The following CTSF variants were observed in gnomAD, a reference collection of about 807,000 sequenced individuals.
CTSF encodes cathepsin F.
CTSF carries 65 observed loss-of-function variants against 63.5 expected under a neutral mutation model. The ratio of observed to expected loss-of-function variants is 1.02; its 90% CI spans 0.84 to 1.26. CTSF has a LOEUF of 1.26. Ranked by LOEUF, CTSF falls within the 50% of genes most tolerant of loss-of-function variation. The pLI is 0.00. For synonymous variants in CTSF, 256 were observed against 258.1 expected, an observed-to-expected ratio of 0.99 and a Z score of 0.08; for missense variants, 641 against 631.0, an observed-to-expected ratio of 1.02 and a Z score of -0.17.
Position 66,563,757 on chromosome 11 carries a change from G to T in CTSF, c.*176C>A. On this transcript the variant is annotated 3_prime_UTR_variant, in exon 13 of 13. Coordinates refer to ENST00000310325, the MANE Select transcript of CTSF (RefSeq NM_003793.4). Reference sequence around the variant, plus strand: ...GTGCAGGTGCAGAACTTCAGGGTGGGAATGGGGTGCAGGGAAGCAGGGGCT... The same window carrying T: ...GTGCAGGTGCAGAACTTCAGGGTGGTAATGGGGTGCAGGGAAGCAGGGGCT... 1 of 713,182 alleles carries T rather than the reference G, an allele frequency of 1.4e-6. No individual in the cohort carries two copies. Among genetic ancestry groups the T allele is most frequent in the East Asian group, 2.7e-5 (1 of 36,872 alleles). The allele number at this position is 713,182 out of a possible 1,614,324, so 44.2% of individuals were successfully genotyped here.
intron 8 of CTSF, 65 bp downstream of exon 8, chr11:66,565,606 T>A (rs1310195843): frequency 1.9e-6 from 3 of 1,597,770 alleles, no homozygotes; most frequent in Non-Finnish European, 2.6e-6. Context: ...CCCCCCATTA[T>A]GAAGTAACTT....
rs746899739 is a variant in CTSF, at chr11:66,566,111, T to C, written c.778A>G (p.Lys260Glu). 6.2e-7 allele frequency: 1 copy of C among 1,614,150 alleles called. No individual in the cohort carries two copies. The highest frequency in any genetic ancestry group is 2.2e-5 in the East Asian group (1 of 44,878). ...CCCACAGACTTGGCTTGCTTCATCT[T>C]GTTGCCAGGCTCTTTCCTCAGGAGA... ...NTLLRKEPGN[K>E]MKQAKSVGDL... Residue 260 changes from lysine to glutamate, a missense_variant, in exon 6 of 13, where the codon AAG becomes GAG. Transcript: ENST00000310325.
In CTSF at chr11:66,567,256, C is replaced by T. The variant is rs200932066; in HGVS notation, c.597G>A (p.Glu199=). The T allele has an allele frequency of 2.1e-4, 334 of 1,614,200 alleles. No individual in the cohort carries two copies. Among genetic ancestry groups the T allele is most frequent in the Middle Eastern group, 1.2e-3 (7 of 6,062 alleles). The change falls in exon 4 of 13, where the codon GAG becomes GAA. Residue 199 remains glutamate, a synonymous_variant. Transcript: ENST00000310325. ...NFVITYNRTY[E]SKEEARWRLS... is the part of the protein sequence containing the mutation. ...AGGCTGGGTCCTCACCTTCCTTTGA[C>T]TCATATGTCCGGTTATAGGTAATGA...
chr11:66,566,033 C>G lies in CTSF; in HGVS notation c.856G>C (p.Val286Leu), dbSNP rs771943482. 54 of 1,614,044 alleles carry G rather than the reference C, an allele frequency of 3.3e-5. No homozygotes were observed. Among genetic ancestry groups the G allele is most frequent in the Non-Finnish European group, 4.5e-5 (53 of 1,180,024 alleles). Reference protein sequence around the residue: ...DWRSKGAVTKVKDQGMCGSCW... With the variant: ...DWRSKGAVTKLKDQGMCGSCW... ...TCCAGGGGTCCAACCTGGTCTTTGA[C>G]TTTTGTGACAGCCCCCTTACTCCTC... Residue 286 changes from valine (V) to leucine (L), a missense_variant, in exon 6 of 13, where the codon GTC (valine) becomes CTC (leucine). Transcript: ENST00000310325.
rs1477039884 is a variant in CTSF, at chr11:66,563,498, A to G, written c.*435T>C. 6.8e-6 allele frequency: 3 copies of G among 443,902 alleles called. No individual in the cohort carries two copies. The highest frequency in any genetic ancestry group is 5.9e-5 in the African/African-American group (3 of 51,202). 27.5% of individuals were successfully genotyped at this position (443,902 alleles called of 1,614,324 possible). A position where few individuals can be genotyped will look rare whatever the true frequency, so the allele number is the denominator to read the frequency against. ...GGACACCTCTTTATTGCTGTTAGAA[A>G]AGGGTGGTTACAAGTTTCCTGGACA... On this transcript the variant is annotated 3_prime_UTR_variant, in exon 13 of 13. Transcript: ENST00000310325.
intron 11 of CTSF, 168 bp from the exon 12 acceptor site, chr11:66,564,314 G>A: frequency 2.1e-6 from 2 of 935,788 alleles, no homozygotes; most frequent in Admixed American, 2.7e-5. Context: ...AAGCCCTGGG[G>A]CAGGGAGGAA....
rs1245226343 is a variant in CTSF at position 66,564,930 on chromosome 11, CT to C, written c.1121del (p.Lys374ArgfsTer10). The C allele has an allele frequency of 3.1e-6, 5 of 1,605,512 alleles. No individual in the cohort carries two copies. The highest frequency in any genetic ancestry group is 4.3e-6 in the Non-Finnish European group (5 of 1,173,662). On this transcript the variant is annotated frameshift_variant, in exon 9 of 13. Transcript: ENST00000310325. LOFTEE classifies it high-confidence loss of function. Reference sequence around the variant, plus strand: ...GCTCCACGGAGTCATTGATGTAGACCTTGGCCTTCTCTGCTGAGAAGTTGCA... The same window carrying C: ...GCTCCACGGAGTCATTGATGTAGACCTGGCCTTCTCTGCTGAGAAGTTGCA... The part of the protein sequence containing the change: ...QSCNFSAEKA[K>X]VYINDSVELS...
intron 5 of CTSF, 34 bp from the exon 6 acceptor site, chr11:66,566,201 A>G: frequency 6.2e-7 from 1 of 1,613,862 alleles, no homozygotes; most frequent in African/African-American, 1.3e-5. Flanking sequence ...ATGGGGAGGA[A>G]GAGTGTTCTA....
At chr11:66,566,498 C>T (rs1857936376) in intron 4 of CTSF, 94 bp from the exon 5 acceptor site, 7 of 1,176,784 alleles carry the variant, frequency 5.9e-6, no homozygotes, top group Non-Finnish European at 8.5e-6. Context: ...CCCCGGGGAG[C>T]AGGTAGGGGT....
chr11:66,563,916 G>C lies in CTSF; in HGVS notation c.*17C>G. On this transcript the variant is annotated 3_prime_UTR_variant, in exon 13 of 13. Coordinates refer to ENST00000310325, the MANE Select transcript of CTSF (RefSeq NM_003793.4). ...GCCACTCTGATCAGCACCAGGTCCC[G>C]AGCTGGGGGCCCCTCTTCAGTCCAC... is the stretch of plus-strand genomic sequence containing the variant. 6.2e-7 allele frequency: 1 copy of C among 1,611,692 alleles called. No individual in the cohort carries two copies.
rs767333189 is a variant in CTSF, at chr11:66,565,943, G to A, written c.868-16C>T. The A allele has an allele frequency of 5.0e-6, 8 of 1,614,154 alleles. No individual in the cohort carries two copies. Among genetic ancestry groups the A allele is most frequent in the Admixed American group, 1.7e-5 (1 of 60,026 alleles). On this transcript the variant is annotated splice_polypyrimidine_tract_variant and intron_variant, in intron 6 of 12. Coordinates refer to ENST00000310325, the MANE Select transcript of CTSF (RefSeq NM_003793.4). The stretch of plus-strand genomic sequence containing the variant: ...CACACATGCCCTACAAGAGATGGGT[G>A]GAGTTGGAGTCAGAGCCGGGCCCCT...
rs1286223171 is a variant in CTSF at position 66,563,696 on chromosome 11, C to G, written c.*237G>C. ...CAACTGCCAAGATACCACCCTTCAC[C>G]CCGACATCCTCCTAAGCTACCACAA... On this transcript the variant is annotated 3_prime_UTR_variant, in exon 13 of 13. Coordinates refer to ENST00000310325, the MANE Select transcript of CTSF (RefSeq NM_003793.4). The G allele has an allele frequency of 2.0e-5, 12 of 602,038 alleles. No homozygotes were observed. Among genetic ancestry groups the G allele is most frequent in the Non-Finnish European group, 3.2e-5 (11 of 341,638 alleles). The allele number at this position is 602,038 out of a possible 1,614,324, so 37.3% of individuals were successfully genotyped here.
Position 66,568,575 on chromosome 11 carries a change from C to T in CTSF, c.-89G>A. The stretch of plus-strand genomic sequence containing the variant: ...CCGCGGCCAGCGGGGCCTGAGTCCT[C>T]CCTCCAGCGGGGCGACGGCACGCCG... On this transcript the variant is annotated 5_prime_UTR_variant, in exon 1 of 13. Coordinates refer to ENST00000310325, the MANE Select transcript of CTSF (RefSeq NM_003793.4). 2 of 1,393,382 alleles carry T rather than the reference C, an allele frequency of 1.4e-6. No homozygotes were observed. The highest frequency in any genetic ancestry group is 1.9e-6 in the Non-Finnish European group (2 of 1,070,252). The allele number at this position is 1,393,382 out of a possible 1,614,324, so 86.3% of individuals were successfully genotyped here.
chr11:66,567,398 G>A (rs200050648), intron 3 of CTSF, 46 bp downstream of exon 3: 28 of 1,611,802 alleles, frequency 1.7e-5, no homozygotes, highest in Middle Eastern at 1.7e-4. Context: ...ATGAGGCAGC[G>A]GCTGGCTCCT....
At chr11:66,568,135 G>A in intron 1 of CTSF, 53 bp from the exon 2 acceptor site, 1 of 1,584,600 alleles carries the variant, frequency 6.3e-7, no homozygotes, top group South Asian at 1.1e-5. Context: ...CGGCGCCCAA[G>A]GCCCCGCCCG....
chr11:66,567,937 C>CT (rs780048089), intron 2 of CTSF, 47 bp downstream of exon 2: 1 of 1,546,740 alleles, frequency 6.5e-7, no homozygotes, highest in Non-Finnish European at 8.7e-7. Context: ...CCAACTGCTG[C>CT]TTTACTCGGC....
chr11:66,566,682 C>T (rs1857939433), intron 4 of CTSF, among the ~76,000 whole-genome samples: 1 of 151,214 alleles, frequency 6.6e-6, no homozygotes. Flanking sequence ...AAAATCCAGC[C>T]TCTGCCCCAT....
At position 66,568,322 on chromosome 11, in the gene CTSF, A is replaced by T. The variant is rs553600939; in HGVS notation, c.165T>A (p.Ala55=). 7.6e-7 allele frequency: 1 copy of T among 1,317,128 alleles called. No homozygotes were observed. Among genetic ancestry groups the T allele is most frequent in the South Asian group, 2.3e-5 (1 of 43,220 alleles). The allele number at this position is 1,317,128 out of a possible 1,614,324, so 81.6% of individuals were successfully genotyped here. Residue 55 remains alanine (A), a synonymous_variant, in exon 1 of 13, where the codon GCT becomes GCA. Coordinates refer to ENST00000310325, the MANE Select transcript of CTSF (RefSeq NM_003793.4). The part of the protein sequence containing the change: ...FALEMFNRGR[A]AGTRAVLGLV... ...GGCCCAGCACGGCCCGCGTCCCCGCAGCCCGGCCGCGGTTGAACATCTCCA... is the reference window on the plus strand; with the variant it reads ...GGCCCAGCACGGCCCGCGTCCCCGCTGCCCGGCCGCGGTTGAACATCTCCA...
Position 66,563,951 on chromosome 11 carries a change from G to T in CTSF, c.1437C>A (p.Ser479Arg). ...SGACGVNTMASSAVVD is the reference protein window; with the variant it reads ...SGACGVNTMARSAVVD The stretch of plus-strand genomic sequence containing the variant: ...CCCCTCTTCAGTCCACCACCGCCGA[G>T]CTGGCCATGGTGTTCACGCCACAGG... Residue 479 changes from serine to arginine, a missense_variant, in exon 13 of 13, where the codon AGC (serine) becomes AGA (arginine). Physicochemically the swap from Ser to Arg is moderately radical, Grantham distance 110 (BLOSUM62 -1). Transcript: ENST00000310325. The T allele has an allele frequency of 6.2e-7, 1 of 1,613,300 alleles. No individual in the cohort carries two copies. Among genetic ancestry groups the T allele is most frequent in the South Asian group, 1.1e-5 (1 of 91,060 alleles).
Sources: allele counts gnomAD v4.1 joint callset (sites outside exome capture counted in the v4.1 genomes callset), GRCh38; gene constraint gnomAD v4.1.1; transcripts MANE v1.5; gene names NCBI Gene and HGNC (gene_info 2026-07-23, HGNC 2026-07-21).